Variants in RPS24 observed in about 807,000 individuals in gnomAD.
RPS24 encodes the protein small ribosomal subunit protein eS24.
For synonymous variants in RPS24, 72 were observed against 55.6 expected (o/e 1.30, Z -1.31); for missense variants, 100 against 162.5 (o/e 0.62, Z 2.09).
downstream of RPS24, among the ~76,000 whole-genome samples, chr10:78,040,956 G>A (rs1221016653): frequency 6.6e-6 from 1 of 152,098 alleles, no homozygotes; most frequent in Non-Finnish European, 1.5e-5. Context: ...ACTTTTGGGA[G>A]GTTTGGGTGG....
intron 1 of RPS24, 47 bp from the exon 2 acceptor site, chr10:78,035,305 A>G (rs765859175): frequency 1.3e-6 from 2 of 1,573,258 alleles, no homozygotes; most frequent in East Asian, 4.5e-5. Flanking sequence ...CAGCAAGGCC[A>G]AGAAAAGTTG....
rs145306362 is a variant in RPS24 at position 78,047,801 on chromosome 10, T to A, written c.391-6730T>A. The stretch of plus-strand genomic sequence containing the variant: ...ATTGGGGGAGGTGGGGGCCGAAGGC[T>A]GGGAACCCCAGCAGCCCGATTCTGC... On this transcript the variant is annotated intron_variant, in intron 4 of 4. Transcript: ENST00000440692. Among the ~76,000 whole-genome samples, 508 of 152,338 alleles carry A rather than the reference T, an allele frequency of 3.3e-3. 1 individual carries two copies. Among genetic ancestry groups the A allele is most frequent in the African/African-American group, 0.012 (479 of 41,576 alleles).
intron 4 of RPS24, among the ~76,000 whole-genome samples, chr10:78,050,280 C>T (rs1848086521): frequency 6.6e-6 from 1 of 152,298 alleles, no homozygotes; most frequent in East Asian, 1.9e-4. Context: ...GACCTGCATC[C>T]TCCTTGCCAC....
chr10:78,051,540 A>G (rs1173274596), intron 4 of RPS24, among the ~76,000 whole-genome samples: 3 of 152,246 alleles, frequency 2.0e-5, no homozygotes, highest in African/African-American at 7.2e-5. Flanking sequence ...TTTTGCAGCT[A>G]TGAAAATTCA....
Position 78,054,711 on chromosome 10 carries a change from C to T in RPS24, c.571C>T (p.Gln191Ter). Residue 191 changes from glutamine to a stop codon, truncating the protein, a stop_gained, in exon 5 of 5, where the codon CAG becomes TAG. Transcript: ENST00000440692. LOFTEE classifies it low-confidence loss of function (END_TRUNC). ...GCGGAGGGGCTGTGGCAAGTATTTA[C>T]AGGTGGCCGTTACCTGGAGGAAGAC... The T allele has an allele frequency of 6.4e-7, 1 of 1,551,702 alleles. No individual in the cohort carries two copies. The highest frequency in any genetic ancestry group is 8.7e-7 in the Non-Finnish European group (1 of 1,147,004).
downstream of RPS24, among the ~76,000 whole-genome samples, chr10:78,041,991 G>T (rs1490372264): frequency 6.6e-6 from 1 of 152,170 alleles, no homozygotes; most frequent in African/African-American, 2.4e-5. Flanking sequence ...TGAAACTCAG[G>T]CTTGGCCTAT....
At chr10:78,034,007 C>G in intron 1 of RPS24, 103 bp downstream of exon 1, 3 of 1,418,244 alleles carry the variant, frequency 2.1e-6, no homozygotes, top group East Asian at 4.5e-5. Flanking sequence ...CCCGGTTGCT[C>G]TTCTCTGGCC....
Position 78,035,479 on chromosome 10 carries a change from TACTG to T in RPS24, c.70-30_70-27del, listed in dbSNP as rs752504599. On this transcript the variant is annotated intron_variant, in intron 2 of 5. Transcript: ENST00000372360. ...TTTACTCTAAAGATGTATTTTATCATACTGAATGCTAAACTTGATATCTCCTTTT... is the reference window on the plus strand; with the variant it reads ...TTTACTCTAAAGATGTATTTTATCATAATGCTAAACTTGATATCTCCTTTT... 4.4e-5 allele frequency: 71 copies of T among 1,613,036 alleles called. 1 individual carries two copies. The South Asian group carries it at 7.5e-4, about 17-fold the overall frequency.
intron 4 of RPS24, among the ~76,000 whole-genome samples, chr10:78,048,665 A>C (rs1848068762): frequency 6.6e-6 from 1 of 152,060 alleles, no homozygotes; most frequent in African/African-American, 2.4e-5. Flanking sequence ...TCACAAGGTC[A>C]GGAGTTCGAG....
At chr10:78,037,509 C>T in intron 4 of RPS24, 1 of 727,146 alleles carries the variant, frequency 1.4e-6, no homozygotes, top group South Asian at 2.0e-5. Context: ...TGGCCCACCC[C>T]TTGTCAGCTC....
chr10:78,044,804 C>T (rs762860847), downstream of RPS24, among the ~76,000 whole-genome samples: 2 of 149,942 alleles, frequency 1.3e-5, no homozygotes, highest in African/African-American at 2.5e-5. Flanking sequence ...TTCACTTGTT[C>T]AGTGTTTTGG....
At chr10:78,033,958 G>T in intron 1 of RPS24, 54 bp downstream of exon 1, 4 of 1,608,996 alleles carry the variant, frequency 2.5e-6, no homozygotes, top group Non-Finnish European at 3.4e-6. Flanking sequence ...GCCATCCGTG[G>T]TCCCTGGGTC....
intron 4 of RPS24, chr10:78,054,496 C>A: frequency 6.7e-7 from 1 of 1,500,592 alleles, no homozygotes; most frequent in Non-Finnish European, 9.0e-7. Flanking sequence ...CCTGGACAAT[C>A]CTCTGAGACT....
In RPS24 at chr10:78,053,480, G is replaced by T. The variant is rs2131995130; in HGVS notation, c.391-1051G>T. Among the ~76,000 whole-genome samples the T allele has an allele frequency of 2.0e-5, 3 of 152,250 alleles. 1 individual carries two copies. Among genetic ancestry groups the T allele is most frequent in the Middle Eastern group, 3.4e-3 (1 of 294 alleles). ...CTCACCCATCCTGAGGGCTAAATTT[G>T]GAATTTAATAACAACACTTTGGATT... On this transcript the variant is annotated intron_variant, in intron 4 of 4. Transcript: ENST00000440692.
downstream of RPS24, among the ~76,000 whole-genome samples, chr10:78,043,499 A>G (rs1335376405): frequency 1.3e-5 from 2 of 152,348 alleles, no homozygotes; most frequent in Non-Finnish European, 2.9e-5. Flanking sequence ...ATATAATGGT[A>G]TATAAAACTC....
chr10:78,039,487 C>T (rs1164846980), intron 4 of RPS24: 2 of 152,594 alleles, frequency 1.3e-5, no homozygotes, highest in Admixed American at 6.5e-5. Flanking sequence ...CATTTGAGTA[C>T]ATAAATTCTT....
At chr10:78,035,440 T>C in intron 2 of RPS24, 23 bp downstream of exon 2, 1 of 1,613,670 alleles carries the variant, frequency 6.2e-7, no homozygotes, top group Non-Finnish European at 8.5e-7. Flanking sequence ...ACATCAATCT[T>C]TGCTTAATTG....
intron 4 of RPS24, among the ~76,000 whole-genome samples, chr10:78,051,333 A>G (rs1440571368): frequency 6.6e-6 from 1 of 152,268 alleles, no homozygotes; most frequent in Non-Finnish European, 1.5e-5. Flanking sequence ...TATAAATGAA[A>G]TCATATAGTG....
chr10:78,037,902 C>CTTTTTTTTTTTTTTTT (rs55902139), intron 4 of RPS24: 11 of 379,934 alleles, frequency 2.9e-5, no homozygotes, highest in Non-Finnish European at 3.5e-5. Flanking sequence ...GTTCTGTGAA[C>CTTTTTTTTTTTTTTTT]TTTTTTTTTT....
Sources: gnomAD v4.1 joint callset for allele counts (sites outside exome capture counted in the v4.1 genomes callset) on GRCh38, gnomAD v4.1.1 for gene constraint, MANE v1.5 for transcripts, NCBI Gene and HGNC (gene_info 2026-07-23, HGNC 2026-07-21) for gene names.